GMDS: variants seen among roughly 807,000 people sequenced by gnomAD.
The protein encoded by GMDS is GDP-mannose 4,6 dehydratase.
A neutral mutation model predicts 49.9 loss-of-function variants in GMDS; 20 were observed. The observed-to-expected ratio is 0.40, with a 90% CI of 0.28 to 0.58. The LOEUF (loss-of-function observed/expected upper bound fraction) is 0.58, where lower values mean the gene tolerates loss of function less well. GMDS is among the 20% of genes least tolerant of loss of function. GMDS has a pLI of 0.42. For missense variants in GMDS, 362 were observed against 481.4 expected, an observed-to-expected ratio of 0.75 and a Z score of 2.32; for synonymous variants, 177 against 178.6, an observed-to-expected ratio of 0.99 and a Z score of 0.07.
At chr6:1,933,415 G>A (rs991057815) in intron 6 of GMDS, among the ~76,000 whole-genome samples, 1 of 152,198 alleles carries the variant, frequency 6.6e-6, no homozygotes, top group Non-Finnish European at 1.5e-5. Context: ...TGGGTCATAT[G>A]AGAACTCTGT....
At chr6:1,704,941 T>C (rs777539956) in intron 9 of GMDS, among the ~76,000 whole-genome samples, 1 of 152,308 alleles carries the variant, frequency 6.6e-6, no homozygotes, top group South Asian at 2.1e-4. Flanking sequence ...CATTGAATGG[T>C]TGTGTTATTA....
At chr6:1,997,927 T>C (rs1217149523) in intron 4 of GMDS, among the ~76,000 whole-genome samples, 2 of 152,146 alleles carry the variant, frequency 1.3e-5, no homozygotes, top group Non-Finnish European at 2.9e-5. Context: ...CTTTCCTCTG[T>C]ATCTTCTGGG....
chr6:1,813,915 T>C (rs1053705703), intron 7 of GMDS, among the ~76,000 whole-genome samples: 9 of 152,238 alleles, frequency 5.9e-5, no homozygotes, highest in African/African-American at 2.2e-4. Context: ...TTCGGGCTTA[T>C]ATAAAGACAT....
At position 2,170,617 on chromosome 6, in the gene GMDS, A is replaced by T. The variant is rs141755963; in HGVS notation, c.103-45886T>A. 4.0e-3 allele frequency among the ~76,000 whole-genome samples: 606 copies of T among 150,626 alleles called. 5 individuals carry two copies. Among genetic ancestry groups the T allele is most frequent in the African/African-American group, 0.014 (576 of 40,878 alleles). ...ATTCCAGCCTGGGTGACAGAGTGTG[A>T]CCCTGCCTTAAAAAAAAATAAAAAA... is the stretch of plus-strand genomic sequence containing the variant. On this transcript the variant is annotated intron_variant, in intron 1 of 10. Coordinates refer to ENST00000380815, the MANE Select transcript of GMDS (RefSeq NM_001500.4).
At chr6:2,240,115 T>C (rs1781544806) in intron 1 of GMDS, among the ~76,000 whole-genome samples, 1 of 152,240 alleles carries the variant, frequency 6.6e-6, no homozygotes, top group Non-Finnish European at 1.5e-5. Context: ...CCAGATCTGC[T>C]TTGCACAGTC....
intron 7 of GMDS, among the ~76,000 whole-genome samples, chr6:1,894,159 C>T (rs1760030906): frequency 6.6e-6 from 1 of 152,186 alleles, no homozygotes; most frequent in Non-Finnish European, 1.5e-5. Context: ...GAAATCACGA[C>T]CTATCATGTT....
intron 1 of GMDS, among the ~76,000 whole-genome samples, chr6:2,212,197 T>A (rs1028416420): frequency 1.3e-5 from 2 of 152,224 alleles, no homozygotes; most frequent in Non-Finnish European, 2.9e-5. Context: ...GCTTTTAACA[T>A]ATGAATTCAA....
In GMDS at chr6:1,731,845, C is replaced by G. The variant is rs917067084; in HGVS notation, c.891-5333G>C. Among the ~76,000 whole-genome samples, 6 of 152,276 alleles carry G rather than the reference C, an allele frequency of 3.9e-5. No individual in the cohort carries two copies. In the East Asian group the frequency reaches 9.7e-4, roughly 25 times the overall value. ...CTGGGCAGTCCACACGGGGTCAGGT[C>G]AGAGGCTCTAGGACTGCCTCAGGAA... On this transcript the variant is annotated intron_variant, in intron 8 of 10. Coordinates refer to ENST00000380815, the MANE Select transcript of GMDS (RefSeq NM_001500.4).
At chr6:1,873,623 A>C (rs1298514442) in intron 7 of GMDS, among the ~76,000 whole-genome samples, 2 of 152,224 alleles carry the variant, frequency 1.3e-5, no homozygotes, top group Non-Finnish European at 2.9e-5. Context: ...GGACTGAAAA[A>C]GACAGGAAAA....
At chr6:2,002,466 A>T (rs1377383100) in intron 4 of GMDS, among the ~76,000 whole-genome samples, 2 of 152,206 alleles carry the variant, frequency 1.3e-5, no homozygotes, top group African/African-American at 4.8e-5. Flanking sequence ...ACTGTTGAGG[A>T]TCTTTTAGGA....
chr6:2,164,058 C>T (rs1221371632), intron 1 of GMDS, among the ~76,000 whole-genome samples: 1 of 152,210 alleles, frequency 6.6e-6, no homozygotes, highest in Non-Finnish European at 1.5e-5. Context: ...CCAAGTCTAG[C>T]ATTTCTAATT....
chr6:2,031,384 A>T (rs1768953745), intron 4 of GMDS, among the ~76,000 whole-genome samples: 1 of 152,184 alleles, frequency 6.6e-6, no homozygotes, highest in African/African-American at 2.4e-5. Flanking sequence ...CAGTGAACCA[A>T]ACAACTACAA....
intron 4 of GMDS, among the ~76,000 whole-genome samples, chr6:2,077,371 A>G (rs1228930627): frequency 1.3e-5 from 2 of 152,132 alleles, no homozygotes; most frequent in African/African-American, 2.4e-5. Context: ...TTCCTAAAGC[A>G]AAGACTTTCA....
Position 1,635,344 on chromosome 6 carries a change from G to A in GMDS, c.988-10804C>T, listed in dbSNP as rs1297450273. 4.6e-5 allele frequency among the ~76,000 whole-genome samples: 7 copies of A among 151,796 alleles called. No homozygotes were observed. Among genetic ancestry groups the A allele is most frequent in the African/African-American group, 1.4e-4 (6 of 41,388 alleles). ...CGTGACCCTGGTCCACGGGACAGGC[G>A]AGGAAAGGGTTAAGGCAAGCTGTGT... On this transcript the variant is annotated intron_variant, in intron 9 of 10. Coordinates refer to ENST00000380815, the MANE Select transcript of GMDS (RefSeq NM_001500.4). This position sits in a 1 kb window ranked among gnomAD's most constrained non-coding sequence, Gnocchi z 4.7.
intron 9 of GMDS, among the ~76,000 whole-genome samples, chr6:1,690,886 T>C (rs1490801495): frequency 6.6e-6 from 1 of 152,174 alleles, no homozygotes; most frequent in Non-Finnish European, 1.5e-5. Flanking sequence ...TGTGGAGAGA[T>C]AGGGACGCTT....
intron 4 of GMDS, among the ~76,000 whole-genome samples, chr6:1,974,908 G>T (rs1018008118): frequency 4.0e-5 from 6 of 151,686 alleles, no homozygotes; most frequent in Admixed American, 2.6e-4. Flanking sequence ...CACGATGGTG[G>T]GCGCCTGTAA....
chr6:1,913,863 T>C (rs955420472), intron 7 of GMDS, among the ~76,000 whole-genome samples: 3 of 152,100 alleles, frequency 2.0e-5, no homozygotes, highest in Admixed American at 2.0e-4. Context: ...AATGCAGATA[T>C]GGTAAAGCGG....
At chr6:1,755,847 T>C (rs1175702451) in intron 7 of GMDS, among the ~76,000 whole-genome samples, 2 of 152,204 alleles carry the variant, frequency 1.3e-5, no homozygotes, top group Non-Finnish European at 1.5e-5. Flanking sequence ...GACATAGGCA[T>C]GCGCAAAGAC....
intron 1 of GMDS, among the ~76,000 whole-genome samples, chr6:2,129,942 T>A (rs1775642826): frequency 6.6e-6 from 1 of 152,216 alleles, no homozygotes; most frequent in East Asian, 1.9e-4. Flanking sequence ...TCCAACCCTC[T>A]CATTTTACAG....
Sources: gnomAD v4.1 joint callset for allele counts (sites outside exome capture counted in the v4.1 genomes callset) on GRCh38, gnomAD v4.1.1 for gene constraint, Gnocchi (gnomAD v3.1) non-coding constraint, MANE v1.5 for transcripts, NCBI Gene and HGNC (gene_info 2026-07-23, HGNC 2026-07-21) for gene names.